Variants in GPC6 observed in about 807,000 individuals in gnomAD.
GPC6 encodes the protein glypican-6.
GPC6 carries 14 observed loss-of-function variants against 55.2 expected under a neutral mutation model. The observed-to-expected ratio is 0.25, with a 90% CI of 0.17 to 0.40. GPC6 has a LOEUF of 0.40. Ranked by LOEUF, GPC6 falls within the 10% of genes least tolerant of loss-of-function variation. The probability of loss-of-function intolerance (pLI) is 1.00; values close to 1 mark genes in which losing one functional copy is unlikely to be tolerated. For synonymous variants in GPC6, 278 were observed against 259.6 expected, an observed-to-expected ratio of 1.07 and a Z score of -0.68; for missense variants, 641 against 708.5, an observed-to-expected ratio of 0.90 and a Z score of 1.08.
chr13:93,909,353 T>C (rs1876841806), intron 3 of GPC6, among the ~76,000 whole-genome samples: 1 of 152,074 alleles, frequency 6.6e-6, no homozygotes, highest in South Asian at 2.1e-4. Flanking sequence ...TCGTGAAATA[T>C]TACATAAACT....
At chr13:94,190,084 G>T (rs1889337716) in intron 4 of GPC6, among the ~76,000 whole-genome samples, 1 of 151,782 alleles carries the variant, frequency 6.6e-6, no homozygotes, top group Non-Finnish European at 1.5e-5. Flanking sequence ...AACACTTTGG[G>T]AGGCCAAGGG....
intron 1 of GPC6, among the ~76,000 whole-genome samples, chr13:93,523,387 GTA>G (rs1013194147): frequency 2.3e-4 from 35 of 150,274 alleles, no homozygotes; most frequent in African/African-American, 8.3e-4. Flanking sequence ...GTATGTATGT[GTA>G]TATATATATC....
chr13:94,128,966 T>A (rs1306659775), intron 4 of GPC6, among the ~76,000 whole-genome samples: 1 of 152,132 alleles, frequency 6.6e-6, no homozygotes, highest in East Asian at 1.9e-4. Flanking sequence ...TTTTCTGAAA[T>A]TCACCTTAAC....
intron 2 of GPC6, among the ~76,000 whole-genome samples, chr13:93,661,748 A>C (rs1228667830): frequency 6.6e-6 from 1 of 152,208 alleles, no homozygotes; most frequent in Admixed American, 6.5e-5. Flanking sequence ...GCATAAGAAT[A>C]TTCTAGTCAA....
intron 1 of GPC6, among the ~76,000 whole-genome samples, chr13:93,361,705 T>C (rs1881046584): frequency 6.6e-6 from 1 of 152,128 alleles, no homozygotes; most frequent in African/African-American, 2.4e-5. Context: ...TCCTATTCTA[T>C]TATGAGATGC....
chr13:93,722,327 A>G (rs1883482644), intron 2 of GPC6, among the ~76,000 whole-genome samples: 1 of 151,792 alleles, frequency 6.6e-6, no homozygotes, highest in Admixed American at 6.6e-5. Flanking sequence ...AATTATTGAG[A>G]CACTATTACC....
intron 2 of GPC6, among the ~76,000 whole-genome samples, chr13:93,628,011 A>G (rs369204604): frequency 1.3e-5 from 2 of 152,218 alleles, no homozygotes; most frequent in Non-Finnish European, 1.5e-5. Flanking sequence ...GGTTACCTCA[A>G]ATAACCTGCT....
At chr13:94,387,730 T>TTCTCTCTCTC (rs3044333) in intron 7 of GPC6, among the ~76,000 whole-genome samples, 1,504 of 141,230 alleles carry the variant, frequency 0.011, 22 homozygotes, top group African/African-American at 0.024. Context: ...AGACATGAGT[T>TTCTCTCTCTC]TCTCTCTCTC....
intron 5 of GPC6, among the ~76,000 whole-genome samples, chr13:94,305,430 C>T (rs997051325): frequency 6.6e-6 from 1 of 152,210 alleles, no homozygotes; most frequent in African/African-American, 2.4e-5. Context: ...ACACATTACA[C>T]ATCTTGTGGT....
intron 4 of GPC6, among the ~76,000 whole-genome samples, chr13:94,058,655 C>T (rs1478386543): frequency 2.6e-5 from 4 of 152,254 alleles, no homozygotes; most frequent in Admixed American, 1.3e-4. Context: ...TCTCTGCCCT[C>T]GGAAGATTTC....
intron 4 of GPC6, among the ~76,000 whole-genome samples, chr13:94,165,848 T>C (rs901118442): frequency 6.6e-6 from 1 of 152,144 alleles, no homozygotes; most frequent in Non-Finnish European, 1.5e-5. Context: ...ACTTGCTTGA[T>C]CAAATCATCT....
At chr13:93,734,276 G>A (rs1411114938) in intron 2 of GPC6, among the ~76,000 whole-genome samples, 3 of 152,088 alleles carry the variant, frequency 2.0e-5, no homozygotes, top group African/African-American at 7.2e-5. Flanking sequence ...ACTTTTGTTG[G>A]TAATTAAAAC....
intron 2 of GPC6, among the ~76,000 whole-genome samples, chr13:93,758,421 CCT>C (rs1380793828): frequency 1.3e-5 from 2 of 152,086 alleles, no homozygotes; most frequent in African/African-American, 4.8e-5. Context: ...TACAGTCTTT[CCT>C]CTCTCTCCCT....
chr13:93,318,683 G>C (rs1879326385), intron 1 of GPC6, among the ~76,000 whole-genome samples: 1 of 152,042 alleles, frequency 6.6e-6, no homozygotes, highest in South Asian at 2.1e-4. Flanking sequence ...TGCTTGCAGG[G>C]GGAGGTGCCA....
intron 1 of GPC6, among the ~76,000 whole-genome samples, chr13:93,445,147 T>C (rs979847159): frequency 5.3e-5 from 8 of 152,110 alleles, no homozygotes; most frequent in African/African-American, 1.9e-4. Context: ...AGTTAGAGGG[T>C]ATTAGAGGAG....
At chr13:93,921,155 C>T (rs778101100) in intron 3 of GPC6, among the ~76,000 whole-genome samples, 68 of 152,210 alleles carry the variant, frequency 4.5e-4, no homozygotes, top group Admixed American at 1.3e-3. Context: ...GTTTCCTGAC[C>T]CCCCTTACAG....
chr13:93,269,046 G>T (rs1424936853), intron 1 of GPC6, among the ~76,000 whole-genome samples: 1 of 151,942 alleles, frequency 6.6e-6, no homozygotes, highest in East Asian at 1.9e-4. Flanking sequence ...AACAAATAAG[G>T]TAACAATTAT....
At chr13:93,578,922 T>C (rs2139485509) in intron 2 of GPC6, among the ~76,000 whole-genome samples, 1 of 152,250 alleles carries the variant, frequency 6.6e-6, no homozygotes, top group South Asian at 2.1e-4. Context: ...TAAAATTTTC[T>C]TTTGAAATCC....
chr13:93,587,535 G>A (rs950033223), intron 2 of GPC6, among the ~76,000 whole-genome samples: 1 of 152,140 alleles, frequency 6.6e-6, no homozygotes, highest in Admixed American at 6.5e-5. Flanking sequence ...GTTGTTGCTT[G>A]CAGGGTCCAC....
Sources: gnomAD v4.1 joint callset for allele counts (sites outside exome capture counted in the v4.1 genomes callset) on GRCh38, gnomAD v4.1.1 for gene constraint, MANE v1.5 for transcripts, NCBI Gene and HGNC (gene_info 2026-07-23, HGNC 2026-07-21) for gene names.